ICAM1: variants seen among roughly 807,000 people sequenced by gnomAD.
ICAM1 encodes intercellular adhesion molecule 1, also known as ICAM-1.
In ICAM1, 28 loss-of-function variants were observed where a neutral mutation model predicts 42.3. The observed-to-expected ratio is 0.66, with a 90% CI of 0.49 to 0.91. ICAM1 has a LOEUF of 0.91. ICAM1 is among the 40% of genes least tolerant of loss of function. ICAM1 has a pLI of 0.00. For synonymous variants in ICAM1, 304 were observed against 305.9 expected (o/e 0.99, Z 0.07); for missense variants, 637 against 688.6 (o/e 0.93, Z 0.84).
intron 2 of ICAM1, among the ~76,000 whole-genome samples, chr19:10,275,632 C>T (rs1303605935): frequency 6.6e-6 from 1 of 151,864 alleles, no homozygotes; most frequent in Non-Finnish European, 1.5e-5. Context: ...ACTCCAGAGG[C>T]TGAGGCAGAA....
intron 2 of ICAM1, among the ~76,000 whole-genome samples, chr19:10,278,768 T>A (rs965181352): frequency 2.6e-5 from 4 of 151,424 alleles, no homozygotes; most frequent in Non-Finnish European, 4.4e-5. Flanking sequence ...TCTCGAACTC[T>A]AGACCTCTGG....
chr19:10,275,123 G>C lies in ICAM1; in HGVS notation c.331+95G>C. On this transcript the variant is annotated intron_variant, in intron 2 of 6. Transcript: ENST00000264832. ...AGGCCTGGGGGAATCTTTGCCACTT[G>C]CTCGTAGGGTCAAGGAGGGGCTCCT... The C allele has an allele frequency of 3.0e-6, 4 of 1,319,346 alleles. No homozygotes were observed. The South Asian group carries it at 4.0e-5, about 13-fold the overall frequency. 81.7% of individuals were successfully genotyped at this position (1,319,346 alleles called of 1,614,324 possible).
intron 2 of ICAM1, 147 bp from the exon 3 acceptor site, chr19:10,283,334 A>G (rs1229082784): frequency 1.4e-6 from 1 of 711,910 alleles, no homozygotes; most frequent in Non-Finnish European, 2.3e-6. Context: ...TTTTCACTGA[A>G]GATCTTGACA....
chr19:10,274,754 G>C lies in ICAM1; in HGVS notation c.68-11G>C. On this transcript the variant is annotated splice_polypyrimidine_tract_variant and intron_variant, in intron 1 of 6. Transcript: ENST00000264832. ...TGTAATGCCTGTCGCCTCTTCCCTC[G>C]TTTCTTCTAGGACCTGGCAATGCCC... 1 of 1,608,370 alleles carries C rather than the reference G, an allele frequency of 6.2e-7. No homozygotes were observed. The highest frequency in any genetic ancestry group is 8.5e-7 in the Non-Finnish European group (1 of 1,175,760).
chr19:10,278,572 C>T (rs281429), intron 2 of ICAM1, among the ~76,000 whole-genome samples: 63,458 of 72,330 alleles, frequency 0.88, 28,594 homozygotes, highest in African/African-American at 0.93. Flanking sequence ...TTTTTTTTTT[C>T]TTTTTTTTGA....
In ICAM1 at chr19:10,284,585, T is replaced by A; in HGVS notation, c.1108T>A (p.Ser370Thr). 1 of 1,614,178 alleles carries A rather than the reference T, an allele frequency of 6.2e-7. No individual in the cohort carries two copies. Among genetic ancestry groups the A allele is most frequent in the Non-Finnish European group, 8.5e-7 (1 of 1,180,024 alleles). The change falls in exon 5 of 7, where the codon TCC becomes ACC. Residue 370 changes from serine to threonine, a missense_variant. Coordinates refer to ENST00000264832, the MANE Select transcript of ICAM1 (RefSeq NM_000201.3). This position sits in a 1 kb window ranked among gnomAD's most constrained non-coding sequence, Gnocchi z 5.4. ...CCCAGAGGACAACGGGCGCAGCTTC[T>A]CCTGCTCTGCAACCCTGGAGGTGGC... is the stretch of plus-strand genomic sequence containing the variant. ...ATPEDNGRSF[S>T]CSATLEVAGQ...
At chr19:10,276,916 G>A (rs540799144) in intron 2 of ICAM1, among the ~76,000 whole-genome samples, 29 of 150,496 alleles carry the variant, frequency 1.9e-4, no homozygotes, top group African/African-American at 6.6e-4. Flanking sequence ...CAGAGGTTGC[G>A]GTGAGCTGAG....
intron 2 of ICAM1, among the ~76,000 whole-genome samples, chr19:10,282,738 C>A (rs1021484939): frequency 6.6e-6 from 1 of 151,378 alleles, no homozygotes; most frequent in Admixed American, 6.6e-5. Context: ...CTAGGCCAGG[C>A]TCATTTACTT....
intron 2 of ICAM1, among the ~76,000 whole-genome samples, chr19:10,275,733 A>G (rs1599265183): frequency 2.7e-5 from 3 of 111,632 alleles, no homozygotes; most frequent in South Asian, 3.1e-4. Context: ...TTTGAGACGG[A>G]GTCTCACTCT....
In ICAM1 at chr19:10,283,697, A is replaced by G. The variant is rs760374267; in HGVS notation, c.548A>G (p.Asn183Ser). 1.1e-5 allele frequency: 18 copies of G among 1,613,864 alleles called. No individual in the cohort carries two copies. The East Asian group carries it at 3.3e-4, about 30-fold the overall frequency. Residue 183 changes from asparagine to serine, a missense_variant, in exon 3 of 7, where the codon AAT becomes AGT. Physicochemically the swap from Asn to Ser is conservative, Grantham distance 46. Coordinates refer to ENST00000264832, the MANE Select transcript of ICAM1 (RefSeq NM_000201.3). ...GTGAGGAGAGATCACCATGGAGCCA[A>G]TTTCTCGTGCCGCACTGAACTGGAC... ...VLVRRDHHGA[N>S]FSCRTELDLR...
chr19:10,282,781 G>T (rs528625049), intron 2 of ICAM1, among the ~76,000 whole-genome samples: 63 of 152,166 alleles, frequency 4.1e-4, no homozygotes, highest in African/African-American at 1.5e-3. Context: ...GGGAGGCCGG[G>T]GTGGGCAGAT....
Position 10,284,443 on chromosome 19 carries a change from C to A in ICAM1, c.966C>A (p.Val322=). Residue 322 remains valine (V), a synonymous_variant, in exon 5 of 7, where the codon GTC becomes GTA. Coordinates refer to ENST00000264832, the MANE Select transcript of ICAM1 (RefSeq NM_000201.3). This position sits in a 1 kb window ranked among gnomAD's most constrained non-coding sequence, Gnocchi z 5.4. ...APNVILTKPE[V]SEGTEVTVKC... is the part of the protein sequence containing the mutation. ...ACGTGATTCTGACGAAGCCAGAGGT[C>A]TCAGAAGGGACCGAGGTGACAGTGA... 1 of 1,613,910 alleles carries A rather than the reference C, an allele frequency of 6.2e-7. No homozygotes were observed. Among genetic ancestry groups the A allele is most frequent in the Non-Finnish European group, 8.5e-7 (1 of 1,180,014 alleles).
At chr19:10,283,128 C>T (rs2040073500) in intron 2 of ICAM1, 1 of 187,192 alleles carries the variant, frequency 5.3e-6, no homozygotes, top group African/African-American at 2.3e-5. Context: ...CCCCTGAATC[C>T]CAGAGGCAGA....
intron 1 of ICAM1, among the ~76,000 whole-genome samples, chr19:10,274,318 T>TC (rs1327383928): frequency 6.7e-6 from 1 of 149,762 alleles, no homozygotes; most frequent in East Asian, 1.9e-4. Context: ...CATAATTTTT[T>TC]TTTTTTTTTT....
chr19:10,284,586 C>T lies in ICAM1; in HGVS notation c.1109C>T (p.Ser370Phe), dbSNP rs1489572878. The T allele has an allele frequency of 1.2e-6, 2 of 1,614,204 alleles. No individual in the cohort carries two copies. The highest frequency in any genetic ancestry group is 8.5e-7 in the Non-Finnish European group (1 of 1,180,032). ...CCAGAGGACAACGGGCGCAGCTTCT[C>T]CTGCTCTGCAACCCTGGAGGTGGCC... The part of the protein sequence containing the change: ...ATPEDNGRSF[S>F]CSATLEVAGQ... Residue 370 changes from serine (S) to phenylalanine (F), a missense_variant, in exon 5 of 7, where the codon TCC (serine) becomes TTC (phenylalanine). Physicochemically the swap from Ser to Phe is radical, Grantham distance 155 (BLOSUM62 -2). Transcript: ENST00000264832. This position sits in a 1 kb window ranked among gnomAD's most constrained non-coding sequence, Gnocchi z 5.4.
chr19:10,281,497 C>G (rs1212860903), intron 2 of ICAM1, among the ~76,000 whole-genome samples: 1 of 152,000 alleles, frequency 6.6e-6, no homozygotes, highest in Admixed American at 6.6e-5. Context: ...GACTTCTGTA[C>G]AAACAACCAT....
intron 2 of ICAM1, among the ~76,000 whole-genome samples, chr19:10,279,725 C>A (rs555303877): frequency 7.2e-5 from 11 of 152,172 alleles, no homozygotes; most frequent in African/African-American, 2.6e-4. Flanking sequence ...CGCAAGAGAT[C>A]CTCCTGCCTC....
chr19:10,275,792 C>T (rs530332370), intron 2 of ICAM1, among the ~76,000 whole-genome samples: 369 of 149,730 alleles, frequency 2.5e-3, no homozygotes, highest in African/African-American at 8.7e-3. Flanking sequence ...ACTGCAAGCT[C>T]CGCCTCCCGG....
At chr19:10,272,043 T>G (rs912080166) in intron 1 of ICAM1, among the ~76,000 whole-genome samples, 1 of 152,138 alleles carries the variant, frequency 6.6e-6, no homozygotes, top group Admixed American at 6.6e-5. Flanking sequence ...CCCAACACTT[T>G]AGGAGCCCCA....
Sources: allele counts gnomAD v4.1 joint callset (sites outside exome capture counted in the v4.1 genomes callset), GRCh38; gene constraint gnomAD v4.1.1; non-coding constraint Gnocchi (gnomAD v3.1); transcripts MANE v1.5; gene names NCBI Gene and HGNC (gene_info 2026-07-23, HGNC 2026-07-21).